NELL1: variants seen among roughly 807,000 people sequenced by gnomAD.
NELL1 encodes neural EGFL like 1.
NELL1 carries 76 observed loss-of-function variants against 107.4 expected under a neutral mutation model. The observed-to-expected ratio is 0.71, with a 90% CI of 0.59 to 0.86. The LOEUF is 0.86. NELL1 is among the 40% of genes least tolerant of loss of function. NELL1 has a pLI of 0.00. For missense variants in NELL1, 1,024 were observed against 1,005.5 expected, an observed-to-expected ratio of 1.02 and a Z score of -0.25; for synonymous variants, 353 against 341.2, an observed-to-expected ratio of 1.03 and a Z score of -0.38.
chr11:21,531,852 A>G (rs1442764392), intron 15 of NELL1, among the ~76,000 whole-genome samples: 1 of 152,112 alleles, frequency 6.6e-6, no homozygotes, highest in African/African-American at 2.4e-5. Flanking sequence ...CATCATTTAT[A>G]ATTTGTAAAT....
chr11:21,457,369 AGAG>A (rs940540955), intron 15 of NELL1, among the ~76,000 whole-genome samples: 3 of 152,120 alleles, frequency 2.0e-5, no homozygotes, highest in African/African-American at 7.2e-5. Context: ...TGTGGAGATA[AGAG>A]GTGTTGTTAG....
chr11:21,150,091 C>T (rs1856080688), intron 13 of NELL1, among the ~76,000 whole-genome samples: 1 of 151,998 alleles, frequency 6.6e-6, no homozygotes. Context: ...TGCAAAAGTC[C>T]TGTGGCAGTG....
At chr11:21,319,386 C>T (rs1232017187) in intron 14 of NELL1, among the ~76,000 whole-genome samples, 3 of 150,748 alleles carry the variant, frequency 2.0e-5, no homozygotes, top group Non-Finnish European at 4.4e-5. Context: ...GACAGGTTTT[C>T]ACCATGTTGG....
chr11:20,695,672 G>A (rs944787756), intron 2 of NELL1, among the ~76,000 whole-genome samples: 2 of 152,068 alleles, frequency 1.3e-5, no homozygotes, highest in Non-Finnish European at 2.9e-5. Flanking sequence ...GATTCTGTTT[G>A]CTCGTATTTT....
rs57754917 is a variant in NELL1 at position 20,707,299 on chromosome 11, G to T, written c.184+29239G>T. 6.5e-3 allele frequency among the ~76,000 whole-genome samples: 996 copies of T among 152,142 alleles called. 7 individuals carry two copies. The highest frequency in any genetic ancestry group is 0.023 in the African/African-American group (950 of 41,488). ...CAAGGTTTTTAGCCTCTTTGTGATG[G>T]GTTTGAACTTCCTCCTTTAGCTCAG... On this transcript the variant is annotated intron_variant, in intron 2 of 19. Transcript: ENST00000357134.
At chr11:21,438,333 A>C (rs1349161988) in intron 15 of NELL1, among the ~76,000 whole-genome samples, 1 of 152,056 alleles carries the variant, frequency 6.6e-6, no homozygotes, top group African/African-American at 2.4e-5. Context: ...TTCTGCTGAA[A>C]AATACATTGT....
At chr11:21,403,740 T>C (rs1590904162) in intron 15 of NELL1, among the ~76,000 whole-genome samples, 1 of 140,916 alleles carries the variant, frequency 7.1e-6, no homozygotes, top group East Asian at 2.3e-4. Flanking sequence ...AAGAATGTTA[T>C]CAGAAAAAAA....
chr11:21,156,623 C>A (rs949753507), intron 13 of NELL1, among the ~76,000 whole-genome samples: 1 of 151,974 alleles, frequency 6.6e-6, no homozygotes, highest in East Asian at 1.9e-4. Context: ...GATGGCAGTA[C>A]CCAGCAGGTG....
intron 15 of NELL1, among the ~76,000 whole-genome samples, chr11:21,509,947 A>G (rs1174284914): frequency 6.6e-6 from 1 of 152,318 alleles, no homozygotes; most frequent in African/African-American, 2.4e-5. Flanking sequence ...GATTCCAACT[A>G]TTACCATTTA....
At chr11:20,788,630 T>G (rs933188705) in intron 3 of NELL1, among the ~76,000 whole-genome samples, 11 of 152,198 alleles carry the variant, frequency 7.2e-5, no homozygotes, top group African/African-American at 2.2e-4. Flanking sequence ...TCCCCCATTC[T>G]GTGGGCGATC....
At chr11:21,545,117 G>A (rs973453946) in intron 16 of NELL1, among the ~76,000 whole-genome samples, 1 of 151,976 alleles carries the variant, frequency 6.6e-6, no homozygotes, top group African/African-American at 2.4e-5. Flanking sequence ...TGGTCCCTAA[G>A]TTAAATGTTC....
chr11:21,140,326 T>G (rs1274631879), intron 13 of NELL1, among the ~76,000 whole-genome samples: 2 of 152,188 alleles, frequency 1.3e-5, no homozygotes, highest in African/African-American at 4.8e-5. Flanking sequence ...GCCTAATACC[T>G]ACCGAGGGAA....
At chr11:21,379,741 C>T (rs938504132) in intron 15 of NELL1, among the ~76,000 whole-genome samples, 14 of 151,976 alleles carry the variant, frequency 9.2e-5, no homozygotes, top group Admixed American at 2.0e-4. Flanking sequence ...CTGTGCCCCG[C>T]GGACTTGCAG....
chr11:20,844,699 C>T (rs1250946409), intron 3 of NELL1, among the ~76,000 whole-genome samples: 1 of 152,220 alleles, frequency 6.6e-6, no homozygotes, highest in East Asian at 1.9e-4. Context: ...GGAAGTAAGG[C>T]AACACCTGGC....
chr11:20,670,932 T>C (rs775911656), intron 1 of NELL1, among the ~76,000 whole-genome samples: 8 of 152,368 alleles, frequency 5.3e-5, no homozygotes, highest in Non-Finnish European at 5.9e-5. Context: ...GCGTCTGCAC[T>C]TGGTTGGCTC....
At position 21,517,439 on chromosome 11, in the gene NELL1, A is replaced by G. The variant is rs375424548; in HGVS notation, c.1646-16935A>G. ...AAGGCATGGTAACATTTTTGGAGCTACATAATAGCTGTTCCCCTTGGGCAG... is the reference window on the plus strand; with the variant it reads ...AAGGCATGGTAACATTTTTGGAGCTGCATAATAGCTGTTCCCCTTGGGCAG... On this transcript the variant is annotated intron_variant, in intron 15 of 19. Transcript: ENST00000357134. Among the ~76,000 whole-genome samples, 22 of 152,322 alleles carry G rather than the reference A, an allele frequency of 1.4e-4. No individual in the cohort carries two copies. In the East Asian group the frequency reaches 2.5e-3, roughly 17 times the overall value.
chr11:21,317,752 T>C (rs1206587146), intron 14 of NELL1, among the ~76,000 whole-genome samples: 1 of 152,220 alleles, frequency 6.6e-6, no homozygotes, highest in East Asian at 1.9e-4. Context: ...TTTTTCTAAA[T>C]GTTTGTGATT....
chr11:21,066,449 C>T (rs1008951749), intron 12 of NELL1, among the ~76,000 whole-genome samples: 7 of 152,076 alleles, frequency 4.6e-5, no homozygotes, highest in Non-Finnish European at 1.0e-4. Context: ...AAGGAAACAA[C>T]CAAAAATATG....
At chr11:21,477,810 A>T (rs1854382033) in intron 15 of NELL1, among the ~76,000 whole-genome samples, 1 of 151,264 alleles carries the variant, frequency 6.6e-6, no homozygotes, top group Non-Finnish European at 1.5e-5. Flanking sequence ...CAGAGAGTGA[A>T]TTAAGATTCC....
Sources: allele counts gnomAD v4.1 joint callset (sites outside exome capture counted in the v4.1 genomes callset), GRCh38; gene constraint gnomAD v4.1.1; transcripts MANE v1.5; gene names NCBI Gene and HGNC (gene_info 2026-07-23, HGNC 2026-07-21).